FAAH2: variants seen among roughly 807,000 people sequenced by gnomAD.
The protein encoded by FAAH2 is fatty acid amide hydrolase 2.
FAAH2 carries 60 observed loss-of-function variants against 36.9 expected under a neutral mutation model. The ratio of observed to expected loss-of-function variants is 1.63; its 90% CI spans 1.32 to 2.02. The LOEUF (loss-of-function observed/expected upper bound fraction) is 2.02, where lower values mean the gene tolerates loss of function less well. Among genes scored for constraint, FAAH2 ranks in the 30% most tolerant of loss-of-function variants. The probability of loss-of-function intolerance (pLI) is 0.00; values close to 1 mark genes in which losing one functional copy is unlikely to be tolerated. For synonymous variants in FAAH2, 214 were observed against 143.8 expected, an observed-to-expected ratio of 1.49 and a Z score of -3.49; for missense variants, 689 against 397.5, an observed-to-expected ratio of 1.73 and a Z score of -6.23.
chrX:57,256,997 C>G, the FAAH2 span, among the ~76,000 whole-genome samples: 1 of 111,906 alleles, frequency 8.9e-6, no homozygotes, highest in Non-Finnish European at 1.9e-5. Context: ...AATGAGATAC[C>G]ATCTCACACC....
intron 5 of FAAH2, among the ~76,000 whole-genome samples, chrX:57,359,382 C>T (rs1227486785): frequency 3.6e-5 from 4 of 111,551 alleles, no homozygotes; most frequent in Non-Finnish European, 5.7e-5. Context: ...TCTTCTTTCA[C>T]TTGTTGGTTG....
chrX:57,137,070 T>C, the FAAH2 span: 573 of 802,409 alleles, frequency 7.1e-4, no homozygotes, highest in Non-Finnish European at 7.8e-4. Flanking sequence ...GTCTGGCTCC[T>C]ATTCCTACCC....
intron 2 of FAAH2, among the ~76,000 whole-genome samples, chrX:57,299,329 A>G (rs913719058): frequency 8.9e-6 from 1 of 112,358 alleles, no homozygotes; most frequent in Non-Finnish European, 1.9e-5. Flanking sequence ...TTAATTCAGC[A>G]TATAAACAGA....
the FAAH2 span, among the ~76,000 whole-genome samples, chrX:57,206,845 A>AT: frequency 8.9e-6 from 1 of 111,783 alleles, no homozygotes; most frequent in Non-Finnish European, 1.9e-5. Flanking sequence ...CATTTACCTG[A>AT]TTTTTTCTTA....
At chrX:57,243,645 G>A in the FAAH2 span, among the ~76,000 whole-genome samples, 2 of 112,093 alleles carry the variant, frequency 1.8e-5, no homozygotes, top group African/African-American at 6.5e-5. Flanking sequence ...CAGCAGACCT[G>A]CAGCAGAGGG....
the FAAH2 span, chrX:57,137,402 G>A: frequency 1.4e-6 from 1 of 736,677 alleles, no homozygotes; most frequent in Non-Finnish European, 1.6e-6. Flanking sequence ...AAAGAGCACT[G>A]CAGCGGTGTC....
At chrX:57,476,092 T>C (rs2057262232) in intron 10 of FAAH2, among the ~76,000 whole-genome samples, 1 of 111,779 alleles carries the variant, frequency 8.9e-6, no homozygotes, top group Non-Finnish European at 1.9e-5. Context: ...TAAGGAGTTT[T>C]TGAGCTGAGA....
At chrX:57,161,854 A>G in the FAAH2 span, among the ~76,000 whole-genome samples, 26 of 111,446 alleles carry the variant, frequency 2.3e-4, no homozygotes, top group Non-Finnish European at 4.5e-4. Flanking sequence ...CATTTAGTCC[A>G]TTTACATTTA....
intron 8 of FAAH2, among the ~76,000 whole-genome samples, chrX:57,438,268 TATA>T (rs2056460033): frequency 1.9e-5 from 2 of 105,630 alleles, no homozygotes; most frequent in African/African-American, 6.8e-5. Context: ...TAGATATAGA[TATA>T]GATATAGATA....
intron 9 of FAAH2, among the ~76,000 whole-genome samples, chrX:57,448,093 A>C (rs917479620): frequency 1.8e-5 from 2 of 111,466 alleles, no homozygotes; most frequent in East Asian, 2.8e-4. Context: ...GGGCTAAAGC[A>C]ATCCTCCTGC....
intron 9 of FAAH2, among the ~76,000 whole-genome samples, chrX:57,448,278 G>T (rs1185337355): frequency 2.7e-5 from 3 of 112,288 alleles, no homozygotes; most frequent in Non-Finnish European, 5.6e-5. Context: ...GCTATAATGG[G>T]TTTTCAATTA....
chrX:57,287,136 G>A, intron 1 of FAAH2, 119 bp downstream of exon 1: 3 of 719,212 alleles, frequency 4.2e-6, no homozygotes, highest in Admixed American at 4.4e-5. Context: ...CTTAGGAGAG[G>A]CATTTATTGG....
At chrX:57,143,296 C>A in the FAAH2 span, among the ~76,000 whole-genome samples, 1 of 109,975 alleles carries the variant, frequency 9.1e-6, no homozygotes, top group East Asian at 2.8e-4. Context: ...TTCATGGATA[C>A]GAGGAGACTT....
At chrX:57,234,205 G>T in the FAAH2 span, among the ~76,000 whole-genome samples, 1 of 111,479 alleles carries the variant, frequency 9.0e-6, no homozygotes, top group South Asian at 3.7e-4. Context: ...AGAGTTTTCT[G>T]TTTTTCTGAC....
intron 4 of FAAH2, among the ~76,000 whole-genome samples, chrX:57,339,347 G>A (rs1427737425): frequency 8.9e-6 from 1 of 111,983 alleles, no homozygotes; most frequent in Admixed American, 9.5e-5. Context: ...TCAGGACGTA[G>A]GCATGGGCAA....
At chrX:57,465,760 G>A (rs1466610200) in intron 10 of FAAH2, among the ~76,000 whole-genome samples, 2 of 111,012 alleles carry the variant, frequency 1.8e-5, no homozygotes, top group African/African-American at 6.5e-5. Context: ...GAGCTCTGGT[G>A]AAGGTAATTA....
At chrX:57,398,977 G>A (rs906979373) in intron 7 of FAAH2, among the ~76,000 whole-genome samples, 3 of 111,173 alleles carry the variant, frequency 2.7e-5, no homozygotes, top group African/African-American at 6.6e-5. Context: ...GGCATAGTAG[G>A]CATCATGCCA....
the FAAH2 span, among the ~76,000 whole-genome samples, chrX:57,270,285 T>A: frequency 0.011 from 1,281 of 111,503 alleles, 18 homozygotes; most frequent in African/African-American, 0.04. Context: ...TTCTACCAAA[T>A]GTACAAAGAA....
chrX:57,332,425 TAA>T (rs1473871743), intron 4 of FAAH2, among the ~76,000 whole-genome samples: 1 of 112,097 alleles, frequency 8.9e-6, no homozygotes, highest in Non-Finnish European at 1.9e-5. Flanking sequence ...CTGAACAAAC[TAA>T]AAGTTAATGA....
Sources: gnomAD v4.1 joint callset for allele counts (sites outside exome capture counted in the v4.1 genomes callset) on GRCh38, gnomAD v4.1.1 for gene constraint, MANE v1.5 for transcripts, NCBI Gene and HGNC (gene_info 2026-07-23, HGNC 2026-07-21) for gene names.